Variants in SAMD12 observed in about 807,000 individuals in gnomAD.
The protein encoded by SAMD12 is sterile alpha motif domain-containing protein 12.
Under a neutral mutation model 15.0 loss-of-function variants are expected in SAMD12, and 9 were observed. The ratio of observed to expected loss-of-function variants is 0.60; its 90% CI spans 0.36 to 1.05. The LOEUF is 1.05. Ranked by LOEUF, SAMD12 falls within the 50% of genes least tolerant of loss-of-function variation. SAMD12 has a pLI of 0.01. For missense variants in SAMD12, 230 were observed against 234.2 expected, an observed-to-expected ratio of 0.98 and a Z score of 0.12; for synonymous variants, 86 against 90.1, an observed-to-expected ratio of 0.96 and a Z score of 0.25.
At chr8:118,290,088 G>A (rs1346574931) in intron 4 of SAMD12, among the ~76,000 whole-genome samples, 1 of 152,084 alleles carries the variant, frequency 6.6e-6, no homozygotes, top group Non-Finnish European at 1.5e-5. Flanking sequence ...AGCTTGCAAA[G>A]GATCAGCTAA....
chr8:118,147,455 G>A, the SAMD12 span, among the ~76,000 whole-genome samples: 3 of 150,070 alleles, frequency 2.0e-5, no homozygotes, highest in East Asian at 2.0e-4. Flanking sequence ...GCGCCTCCCC[G>A]GTTCAAGTGA....
chr8:118,551,348 A>C (rs2131181513), intron 2 of SAMD12, among the ~76,000 whole-genome samples: 2 of 152,314 alleles, frequency 1.3e-5, no homozygotes, highest in Middle Eastern at 3.4e-3. Context: ...AGTGCAATCA[A>C]ACTAGAACTC....
chr8:118,171,711 C>T, the SAMD12 span, among the ~76,000 whole-genome samples: 94 of 144,426 alleles, frequency 6.5e-4, no homozygotes, highest in African/African-American at 2.2e-3. Flanking sequence ...TGGGGAGTGG[C>T]TGCTAATGGG....
chr8:118,267,258 TGAA>T, intron 4 of SAMD12, among the ~76,000 whole-genome samples: 1 of 152,310 alleles, frequency 6.6e-6, no homozygotes. Context: ...CTATTCATTT[TGAA>T]GAAGGTAGGT....
the SAMD12 span, among the ~76,000 whole-genome samples, chr8:118,134,254 G>A: frequency 4.6e-5 from 7 of 152,126 alleles, no homozygotes; most frequent in East Asian, 1.9e-4. Context: ...TGGATAACAC[G>A]CCTGGGAAAG....
intron 4 of SAMD12, among the ~76,000 whole-genome samples, chr8:118,355,714 C>G (rs919082389): frequency 6.6e-6 from 1 of 152,090 alleles, no homozygotes; most frequent in African/African-American, 2.4e-5. Context: ...AAATGATTCT[C>G]CAACCAGCTA....
intron 4 of SAMD12, among the ~76,000 whole-genome samples, chr8:118,304,196 C>T (rs1048974782): frequency 6.6e-6 from 1 of 152,206 alleles, no homozygotes; most frequent in African/African-American, 2.4e-5. Context: ...TTTGCCTTCG[C>T]TTTCTCACAC....
intron 2 of SAMD12, among the ~76,000 whole-genome samples, chr8:118,486,215 C>G (rs990398671): frequency 3.4e-4 from 51 of 152,064 alleles, no homozygotes; most frequent in African/African-American, 9.6e-4. Context: ...GAGATAGAGA[C>G]CATCCTGGCT....
chr8:118,424,996 T>C (rs1476388487), intron 3 of SAMD12, among the ~76,000 whole-genome samples: 2 of 150,332 alleles, frequency 1.3e-5, no homozygotes, highest in Non-Finnish European at 3.0e-5. Flanking sequence ...TGGAGGGCAG[T>C]GGTGGGATCT....
chr8:118,523,118 G>A (rs1825437028), intron 2 of SAMD12, among the ~76,000 whole-genome samples: 1 of 152,120 alleles, frequency 6.6e-6, no homozygotes, highest in Non-Finnish European at 1.5e-5. Flanking sequence ...CCAAAGGCGT[G>A]GCACAACATG....
chr8:118,147,607 GC>G, the SAMD12 span, among the ~76,000 whole-genome samples: 3 of 152,038 alleles, frequency 2.0e-5, no homozygotes, highest in Non-Finnish European at 4.4e-5. Context: ...TGATCTGCCT[GC>G]CTCGGCCTCC....
At chr8:118,308,092 GGAT>G (rs1193046153) in intron 4 of SAMD12, among the ~76,000 whole-genome samples, 2 of 152,196 alleles carry the variant, frequency 1.3e-5, no homozygotes, top group Non-Finnish European at 2.9e-5. Flanking sequence ...TCTCTAGCTA[GGAT>G]GAGGTAGTAT....
intron 4 of SAMD12, among the ~76,000 whole-genome samples, chr8:118,308,986 A>T (rs1157530249): frequency 6.6e-6 from 1 of 152,096 alleles, no homozygotes; most frequent in African/African-American, 2.4e-5. Flanking sequence ...TTGATTCCTA[A>T]ATCTTTTATT....
intron 4 of SAMD12, chr8:118,284,599 C>T (rs1813836466): frequency 7.5e-6 from 2 of 267,542 alleles, no homozygotes; most frequent in Admixed American, 4.9e-5. Flanking sequence ...GACATATATA[C>T]ATACAGCATC....
intron 4 of SAMD12, among the ~76,000 whole-genome samples, chr8:118,355,507 A>C (rs1818186397): frequency 6.6e-6 from 1 of 152,190 alleles, no homozygotes; most frequent in African/African-American, 2.4e-5. Flanking sequence ...GTTCTCCAAA[A>C]GCTTATGGAA....
chr8:118,205,104 A>G (rs542886192), intron 4 of SAMD12, among the ~76,000 whole-genome samples: 1 of 152,318 alleles, frequency 6.6e-6, no homozygotes, highest in African/African-American at 2.4e-5. Context: ...CCTAAAGAGA[A>G]TAGGCTGGGT....
intron 2 of SAMD12, among the ~76,000 whole-genome samples, chr8:118,453,400 G>A (rs1440278216): frequency 1.3e-5 from 2 of 152,066 alleles, no homozygotes; most frequent in African/African-American, 4.8e-5. Flanking sequence ...TCACAAATAA[G>A]TTTCCCAGCC....
intron 2 of SAMD12, among the ~76,000 whole-genome samples, chr8:118,553,082 A>G (rs1399514973): frequency 8.6e-5 from 13 of 152,016 alleles, no homozygotes; most frequent in Non-Finnish European, 1.8e-4. Context: ...GGAAGAATCA[A>G]TATCGTGAAA....
intron 3 of SAMD12, among the ~76,000 whole-genome samples, chr8:118,426,086 T>C (rs2130858710): frequency 6.6e-6 from 1 of 152,344 alleles, no homozygotes; most frequent in East Asian, 1.9e-4. Context: ...TTCACAGCAA[T>C]GGGATACAGT....
Sources: gnomAD v4.1 joint callset for allele counts (sites outside exome capture counted in the v4.1 genomes callset) on GRCh38, gnomAD v4.1.1 for gene constraint, MANE v1.5 for transcripts, NCBI Gene and HGNC (gene_info 2026-07-23, HGNC 2026-07-21) for gene names.